Variants in LRP6 observed in about 807,000 individuals in gnomAD.
The protein encoded by LRP6 is LDL receptor related protein 6.
Under a neutral mutation model 184.1 loss-of-function variants are expected in LRP6, and 43 were observed. The observed-to-expected ratio is 0.23, with a 90% CI of 0.18 to 0.30. The LOEUF is 0.30. LRP6 is among the 10% of genes least tolerant of loss of function. The pLI is 1.00. For missense variants in LRP6, 1,571 were observed against 2,005.3 expected, an observed-to-expected ratio of 0.78 and a Z score of 4.14; for synonymous variants, 719 against 684.9, an observed-to-expected ratio of 1.05 and a Z score of -0.78.
chr12:12,184,221 G>A (rs1408354884), intron 4 of LRP6, 110 bp from the exon 5 acceptor site: 1 of 861,850 alleles, frequency 1.2e-6, no homozygotes, highest in Non-Finnish European at 2.0e-6. Flanking sequence ...CAAATGTCAT[G>A]CAGGTGCTTG....
chr12:12,136,707 T>C lies in LRP6; in HGVS notation c.3608-1407A>G, dbSNP rs941723950. Among the ~76,000 whole-genome samples, 5 of 152,226 alleles carry C rather than the reference T, an allele frequency of 3.3e-5. No homozygotes were observed. In the South Asian group the frequency reaches 1.0e-3, roughly 32 times the overall value. ...GTGTTGAGACTGAGGGAGTCAGCTA[T>C]CTACAAATGAGCATACTGTCCAAAA... On this transcript the variant is annotated intron_variant, in intron 16 of 22. Transcript: ENST00000261349.
intron 2 of LRP6, among the ~76,000 whole-genome samples, chr12:12,215,872 C>G (rs1256963522): frequency 3.3e-5 from 5 of 151,650 alleles, no homozygotes; most frequent in Admixed American, 1.3e-4. Flanking sequence ...ATTAGCCAGG[C>G]ATGGTGGCGA....
At chr12:12,198,622 C>G (rs1165015374) in intron 3 of LRP6, among the ~76,000 whole-genome samples, 1 of 147,766 alleles carries the variant, frequency 6.8e-6, no homozygotes, top group Non-Finnish European at 1.5e-5. Flanking sequence ...CAACCTCTGC[C>G]TCCCGGATTC....
intron 2 of LRP6, among the ~76,000 whole-genome samples, chr12:12,223,494 T>C (rs1864541620): frequency 6.6e-6 from 1 of 152,212 alleles, no homozygotes; most frequent in Non-Finnish European, 1.5e-5. Context: ...CACTTGTTTA[T>C]ATCAATACAA....
At chr12:12,155,319 A>G in intron 12 of LRP6, 1 of 757,462 alleles carries the variant, frequency 1.3e-6, no homozygotes, top group East Asian at 2.4e-5. Context: ...TAGGCCTTTT[A>G]GAAAGCATGG....
At chr12:12,248,188 C>CAATTGT (rs1357528788) in intron 1 of LRP6, among the ~76,000 whole-genome samples, 4 of 152,208 alleles carry the variant, frequency 2.6e-5, no homozygotes, top group African/African-American at 9.6e-5. Flanking sequence ...CTTACCTCCT[C>CAATTGT]TCTACAACTT....
intron 3 of LRP6, among the ~76,000 whole-genome samples, chr12:12,193,896 C>G (rs544697270): frequency 6.6e-6 from 1 of 152,100 alleles, no homozygotes; most frequent in South Asian, 2.1e-4. Context: ...ACAAGAAAAA[C>G]AGACTACGGA....
At chr12:12,183,162 C>A (rs185504897) in intron 5 of LRP6, among the ~76,000 whole-genome samples, 32 of 152,292 alleles carry the variant, frequency 2.1e-4, no homozygotes, top group Non-Finnish European at 3.8e-4. Flanking sequence ...GACTCCCTGG[C>A]CCCCTTGCCA....
At chr12:12,167,443 A>T (rs1228116438) in intron 7 of LRP6, among the ~76,000 whole-genome samples, 1 of 152,154 alleles carries the variant, frequency 6.6e-6, no homozygotes, top group Non-Finnish European at 1.5e-5. Flanking sequence ...AGAGATGGAG[A>T]CAATCCTGGC....
chr12:12,254,739 G>A (rs771711063), intron 1 of LRP6, among the ~76,000 whole-genome samples: 8 of 152,122 alleles, frequency 5.3e-5, no homozygotes, highest in East Asian at 1.9e-4. Flanking sequence ...ATGAACCAAC[G>A]CTTACAGTCC....
chr12:12,205,934 A>G (rs569069972), intron 2 of LRP6, among the ~76,000 whole-genome samples: 2 of 152,344 alleles, frequency 1.3e-5, no homozygotes, highest in East Asian at 3.9e-4. Flanking sequence ...ACAACAGACT[A>G]TGTATAAAAT....
intron 2 of LRP6, among the ~76,000 whole-genome samples, chr12:12,236,791 A>G (rs1864941384): frequency 6.6e-6 from 1 of 152,188 alleles, no homozygotes; most frequent in South Asian, 2.1e-4. Context: ...GAACAACCAC[A>G]TGGAAAAGAT....
rs750614037 is a variant in LRP6 at position 12,135,295 on chromosome 12, G to A, written c.3613C>T (p.His1205Tyr). 6.2e-7 allele frequency: 1 copy of A among 1,613,464 alleles called. No homozygotes were observed. Among genetic ancestry groups the A allele is most frequent in the East Asian group, 2.2e-5 (1 of 44,836 alleles). Residue 1205 changes from histidine to tyrosine, a missense_variant, in exon 17 of 23, where the codon CAC becomes TAC. This residue lies in a region of LRP6 where 763 missense variants were observed against 859.5 expected (regional missense o/e 0.89). Coordinates refer to ENST00000261349, the MANE Select transcript of LRP6 (RefSeq NM_002336.3). ...KELNLQEYRQHPCAQDNGGCS... is the reference protein window; with the variant it reads ...KELNLQEYRQYPCAQDNGGCS... ...CCACCATTATCCTGAGCACAAGGGT[G>A]CTGTCCTGCAAAGAGAAGAGGTGAG...
intron 2 of LRP6, among the ~76,000 whole-genome samples, chr12:12,213,832 T>C (rs183103770): frequency 1.3e-5 from 2 of 152,284 alleles, no homozygotes; most frequent in South Asian, 2.1e-4. Flanking sequence ...ACACCAATAA[T>C]GTCTCATAGA....
intron 2 of LRP6, among the ~76,000 whole-genome samples, chr12:12,239,057 C>A (rs989709242): frequency 2.0e-5 from 3 of 152,150 alleles, no homozygotes; most frequent in Non-Finnish European, 4.4e-5. Context: ...TGGTCAAAGG[C>A]CTTGGTTTCT....
intron 2 of LRP6, among the ~76,000 whole-genome samples, chr12:12,203,929 A>T (rs1277960373): frequency 3.9e-5 from 6 of 152,242 alleles, no homozygotes; most frequent in Non-Finnish European, 8.8e-5. Context: ...CCACTGAATC[A>T]AAATGTATTG....
At chr12:12,219,461 C>T (rs954615328) in intron 2 of LRP6, among the ~76,000 whole-genome samples, 8 of 152,280 alleles carry the variant, frequency 5.3e-5, no homozygotes, top group East Asian at 1.9e-4. Flanking sequence ...CCTCAGCCTC[C>T]CAAAGTGCTG....
Position 12,207,559 on chromosome 12 carries a change from T to C in LRP6, c.450-4159A>G, listed in dbSNP as rs80101306. Among the ~76,000 whole-genome samples the C allele has an allele frequency of 2.6e-5, 4 of 151,976 alleles. No individual in the cohort carries two copies. In the East Asian group the frequency reaches 7.7e-4, roughly 29 times the overall value. ...ATATTAATAATAATAACGCTTTCAG[T>C]GGCAGGCATCACGAGGGCCATTATC... On this transcript the variant is annotated intron_variant, in intron 2 of 22. Coordinates refer to ENST00000261349, the MANE Select transcript of LRP6 (RefSeq NM_002336.3).
In LRP6 at chr12:12,131,097, A is replaced by ATTT. The variant is rs35705276; in HGVS notation, c.3971-207_3971-205dup. Among the ~76,000 whole-genome samples, 494 of 78,188 alleles carry ATTT rather than the reference A, an allele frequency of 6.3e-3. 38 individuals are homozygous for ATTT. Among genetic ancestry groups the ATTT allele is most frequent in the Non-Finnish European group, 8.2e-3 (325 of 39,604 alleles). The allele number at this position is 78,188 out of a possible 152,430, so 51.3% of individuals were successfully genotyped here. ...AAAATCCAGCAGGAAATTTCCTAAC[A>ATTT]TTTTTTTTTTTTTTTTTTTTTTTTT... is the stretch of plus-strand genomic sequence containing the variant. On this transcript the variant is annotated intron_variant, in intron 18 of 22. Transcript: ENST00000261349.
Sources: gnomAD v4.1 joint callset for allele counts (sites outside exome capture counted in the v4.1 genomes callset) on GRCh38, gnomAD v4.1.1 for gene constraint, gnomAD v4.1.1 regional missense constraint, MANE v1.5 for transcripts, NCBI Gene and HGNC (gene_info 2026-07-23, HGNC 2026-07-21) for gene names.